Variants in CEP44 observed in about 807,000 individuals in gnomAD.
The protein encoded by CEP44 is centrosomal protein of 44 kDa.
CEP44 carries 45 observed loss-of-function variants against 46.7 expected under a neutral mutation model. That is an observed-to-expected ratio of 0.96 (90% CI 0.76 to 1.24). The LOEUF (loss-of-function observed/expected upper bound fraction) is 1.24, where lower values mean the gene tolerates loss of function less well. CEP44 is among the 50% of genes most tolerant of loss of function. The pLI is 0.00. For synonymous variants in CEP44, 142 were observed against 146.0 expected (o/e 0.97, Z 0.20); for missense variants, 475 against 459.7 (o/e 1.03, Z -0.30).
Position 174,298,533 on chromosome 4 carries a change from A to G in CEP44, c.-51+471A>G, listed in dbSNP as rs533734257. Among the ~76,000 whole-genome samples the G allele has an allele frequency of 3.9e-5, 6 of 152,308 alleles. No homozygotes were observed. In the South Asian group the frequency reaches 1.2e-3, roughly 32 times the overall value. On this transcript the variant is annotated intron_variant, in intron 2 of 11. Coordinates refer to ENST00000503780, the MANE Select transcript of CEP44 (RefSeq NM_001040157.3). Reference sequence around the variant, plus strand: ...TCTTTAGAAAATGGAAAGGAAGGTAACATGCATTTAATCTGTCATATTTAT... The same window carrying G: ...TCTTTAGAAAATGGAAAGGAAGGTAGCATGCATTTAATCTGTCATATTTAT...
In CEP44 at chr4:174,331,550, A is replaced by G; in HGVS notation, c.1155A>G (p.Ser385=). Reference sequence around the variant, plus strand: ...GCTGGCTGCTCCGTGGGCATACTTCATACCTTTCATCACAGAGCTTTGCTT... The same window carrying G: ...GCTGGCTGCTCCGTGGGCATACTTCGTACCTTTCATCACAGAGCTTTGCTT... Residue 385 remains serine, a synonymous_variant, in exon 9 of 9, where the codon TCA becomes TCG. Transcript: ENST00000426172. The surrounding 1 kb of genome is among the most constrained non-coding windows in gnomAD (Gnocchi z 4.5). 2 of 1,551,534 alleles carry G rather than the reference A, an allele frequency of 1.3e-6. No homozygotes were observed. Among genetic ancestry groups the G allele is most frequent in the Middle Eastern group, 1.7e-4 (1 of 5,992 alleles).
chr4:174,324,437 G>C (rs773892497), downstream of CEP44, among the ~76,000 whole-genome samples: 2 of 152,078 alleles, frequency 1.3e-5, no homozygotes, highest in Non-Finnish European at 2.9e-5. Flanking sequence ...AAATAGTAAA[G>C]TTATGATTAA....
At chr4:174,302,242 A>G in intron 4 of CEP44, 56 bp downstream of exon 4, 2 of 1,140,216 alleles carry the variant, frequency 1.8e-6, no homozygotes, top group Non-Finnish European at 2.6e-6. Flanking sequence ...TTTAAAAATT[A>G]ATGATTTAGT....
At chr4:174,291,210 T>C (rs1291471827) in intron 1 of CEP44, among the ~76,000 whole-genome samples, 1 of 151,744 alleles carries the variant, frequency 6.6e-6, no homozygotes, top group East Asian at 1.9e-4. Flanking sequence ...TTGCTTTCTG[T>C]TTCTCCTGTT....
rs1429021383 is a variant in CEP44, at chr4:174,309,094, GAT to G, written c.678+238_678+239del. On this transcript the variant is annotated intron_variant, in intron 7 of 11. Transcript: ENST00000503780. This position sits in a 1 kb window ranked among gnomAD's most constrained non-coding sequence, Gnocchi z 5.3. ...GTTGGGGTGATGCAAAGTAGAATAA[GAT>G]ATGGTACTTGGCTTTAAGGAATCTA... 6.6e-6 allele frequency among the ~76,000 whole-genome samples: 1 copy of G among 152,132 alleles called. No homozygotes were observed. The highest frequency in any genetic ancestry group is 2.4e-5 in the African/African-American group (1 of 41,458).
Position 174,302,150 on chromosome 4 carries a change from A to C in CEP44, c.201A>C (p.Ala67=). 1.9e-6 allele frequency: 3 copies of C among 1,608,384 alleles called. No individual in the cohort carries two copies. Among genetic ancestry groups the C allele is most frequent in the South Asian group, 1.1e-5 (1 of 89,834 alleles). Residue 67 remains alanine (A), a synonymous_variant, in exon 4 of 12, where the codon GCA becomes GCC. Transcript: ENST00000503780. ...TGGAATCCAATGTAGAGCTCATAGC[A>C]AAAAATGACTTGCGCTTTATAGATG... is the stretch of plus-strand genomic sequence containing the variant. The part of the protein sequence containing the change: ...LIMESNVELI[A]KNDLRFIDAV...
rs771977682 is a variant in CEP44, at chr4:174,297,536, T to C, written c.-147-430T>C. Among the ~76,000 whole-genome samples, 2 of 152,200 alleles carry C rather than the reference T, an allele frequency of 1.3e-5. No homozygotes were observed. The highest frequency in any genetic ancestry group is 2.4e-5 in the African/African-American group (1 of 41,434). The stretch of plus-strand genomic sequence containing the variant: ...TTTTCCTCAAATGTCAGAAATGTGA[T>C]ACTTTTTTCTCTAGGTCCATCCACC... On this transcript the variant is annotated intron_variant, in intron 1 of 11. Coordinates refer to ENST00000503780, the MANE Select transcript of CEP44 (RefSeq NM_001040157.3). The surrounding 1 kb of genome is among the most constrained non-coding windows in gnomAD (Gnocchi z 4.3).
chr4:174,290,789 CA>C lies in CEP44; in HGVS notation c.-148+6849del, dbSNP rs1738108969. On this transcript the variant is annotated intron_variant, in intron 1 of 11. Transcript: ENST00000503780. This position sits in a 1 kb window ranked among gnomAD's most constrained non-coding sequence, Gnocchi z 4.3. ...TTGTATCGATATCTATTTCTTCCTT[CA>C]AATCTGTCAATGTTCACTGTATATT... Among the ~76,000 whole-genome samples, 4 of 152,292 alleles carry C rather than the reference CA, an allele frequency of 2.6e-5. No homozygotes were observed. In the South Asian group the frequency reaches 8.3e-4, roughly 32 times the overall value.
At chr4:174,289,733 T>A (rs1560885881) in intron 1 of CEP44, among the ~76,000 whole-genome samples, 1 of 152,144 alleles carries the variant, frequency 6.6e-6, no homozygotes, top group Non-Finnish European at 1.5e-5. Context: ...ATTTCATTTA[T>A]TTCTAATCTA....
chr4:174,307,889 A>G (rs1480246875), intron 6 of CEP44, among the ~76,000 whole-genome samples: 3 of 152,194 alleles, frequency 2.0e-5, no homozygotes, highest in African/African-American at 7.2e-5. Context: ...GAAAAATGCA[A>G]ATCATAACCA....
rs1731165185 is a variant in CEP44, at chr4:174,329,001, C to T, written c.1087-2481C>T. Among the ~76,000 whole-genome samples, 1 of 152,010 alleles carries T rather than the reference C, an allele frequency of 6.6e-6. No homozygotes were observed. Among genetic ancestry groups the T allele is most frequent in the Non-Finnish European group, 1.5e-5 (1 of 68,006 alleles). On this transcript the variant is annotated intron_variant, in intron 8 of 8. Transcript: ENST00000426172. This position sits in a 1 kb window ranked among gnomAD's most constrained non-coding sequence, Gnocchi z 4.0. ...TTTTTCTGTCACCCAGGCAGGAGTA[C>T]AGTGGCACAATCATAGCTCATTGCA...
At chr4:174,307,696 T>A (rs935076541) in intron 6 of CEP44, among the ~76,000 whole-genome samples, 1 of 151,880 alleles carries the variant, frequency 6.6e-6, no homozygotes, top group Admixed American at 6.6e-5. Flanking sequence ...TGGGAGAAAA[T>A]TTTTGCAAAC....
rs1742145535 is a variant in CEP44 at position 174,319,821 on chromosome 4, C to T, written c.*2438C>T. 1.0e-6 allele frequency: 1 copy of T among 982,762 alleles called. No homozygotes were observed. The highest frequency in any genetic ancestry group is 1.7e-5 in the African/African-American group (1 of 57,168). 60.9% of individuals were successfully genotyped at this position (982,762 alleles called of 1,614,324 possible). Reference sequence around the variant, plus strand: ...TTTTGGAAAAATAAAGCAAATTCAACTTTATTGGAGTTATTGGACAGATCA... The same window carrying T: ...TTTTGGAAAAATAAAGCAAATTCAATTTTATTGGAGTTATTGGACAGATCA... On this transcript the variant is annotated 3_prime_UTR_variant, in exon 12 of 12. Coordinates refer to ENST00000503780, the MANE Select transcript of CEP44 (RefSeq NM_001040157.3).
rs79405110 is a variant in CEP44 at position 174,287,220 on chromosome 4, A to G, written c.-148+3277A>G. On this transcript the variant is annotated intron_variant, in intron 1 of 11. Transcript: ENST00000503780. This position sits in a 1 kb window ranked among gnomAD's most constrained non-coding sequence, Gnocchi z 5.1. ...GCTCATTCTGAAATAGAGCTGAGAA[A>G]TGACAAGGATTAAGTGTTGCTTTTC... Among the ~76,000 whole-genome samples, 2,258 of 152,320 alleles carry G rather than the reference A, an allele frequency of 0.015. 20 individuals are homozygous for G. Among genetic ancestry groups the G allele is most frequent in the Non-Finnish European group, 0.026 (1,758 of 68,022 alleles).
At chr4:174,296,770 T>TC (rs1219534404) in intron 1 of CEP44, among the ~76,000 whole-genome samples, 1 of 149,792 alleles carries the variant, frequency 6.7e-6, no homozygotes, top group Non-Finnish European at 1.5e-5. Context: ...CTGATTTTTT[T>TC]TTTTTTTTTT....
chr4:174,297,427 G>GA lies in CEP44; in HGVS notation c.-147-532dup, dbSNP rs1739167069. 6.6e-6 allele frequency among the ~76,000 whole-genome samples: 1 copy of GA among 151,992 alleles called. No homozygotes were observed. Among genetic ancestry groups the GA allele is most frequent in the Non-Finnish European group, 1.5e-5 (1 of 67,960 alleles). On this transcript the variant is annotated intron_variant, in intron 1 of 11. Transcript: ENST00000503780. This position sits in a 1 kb window ranked among gnomAD's most constrained non-coding sequence, Gnocchi z 4.3. ...TTCAGTTTTAAACATGAGTCTCTAAGAAAAAAAGGTGCCTGGTTAGGGCTT... is the reference window on the plus strand; with the variant it reads ...TTCAGTTTTAAACATGAGTCTCTAAGAAAAAAAAGGTGCCTGGTTAGGGCTT...
At position 174,287,125 on chromosome 4, in the gene CEP44, AATCGGTGT is replaced by A. The variant is rs1737660918; in HGVS notation, c.-148+3185_-148+3192del. Among the ~76,000 whole-genome samples, 2 of 152,120 alleles carry A rather than the reference AATCGGTGT, an allele frequency of 1.3e-5. No homozygotes were observed. Among genetic ancestry groups the A allele is most frequent in the African/African-American group, 4.8e-5 (2 of 41,470 alleles). ...GTGAAGAATCAGCATCAAGAGGGGG[AATCGGTGT>A]ATTCCTTCTATTTCTAGGCCATTGG... On this transcript the variant is annotated intron_variant, in intron 1 of 11. Transcript: ENST00000503780. This position sits in a 1 kb window ranked among gnomAD's most constrained non-coding sequence, Gnocchi z 5.1.
chr4:174,330,130 A>G (rs1040817776), intron 8 of CEP44, among the ~76,000 whole-genome samples: 6 of 152,182 alleles, frequency 3.9e-5, no homozygotes, highest in African/African-American at 1.4e-4. Flanking sequence ...AACTTTGTTA[A>G]TATTTTGACG....
At position 174,317,481 on chromosome 4, in the gene CEP44, G is replaced by A. The variant is rs1236004135; in HGVS notation, c.*98G>A. 1.6e-6 allele frequency: 2 copies of A among 1,244,466 alleles called. No homozygotes were observed. The highest frequency in any genetic ancestry group is 3.2e-5 in the Admixed American group (1 of 31,090). The allele number at this position is 1,244,466 out of a possible 1,614,324, so 77.1% of individuals were successfully genotyped here. A position where few individuals can be genotyped will look rare whatever the true frequency, so the allele number is the denominator to read the frequency against. On this transcript the variant is annotated 3_prime_UTR_variant, in exon 12 of 12. Coordinates refer to ENST00000503780, the MANE Select transcript of CEP44 (RefSeq NM_001040157.3). The stretch of plus-strand genomic sequence containing the variant: ...AATTTTAATATACTGCAATACTGCA[G>A]TTTTTGACAATTTGGATTCCATTTG...
Sources: gnomAD v4.1 joint callset for allele counts (sites outside exome capture counted in the v4.1 genomes callset) on GRCh38, gnomAD v4.1.1 for gene constraint, Gnocchi (gnomAD v3.1) non-coding constraint, MANE v1.5 for transcripts, NCBI Gene and HGNC (gene_info 2026-07-23, HGNC 2026-07-21) for gene names.